Variants in RPS6KC1 observed in about 807,000 individuals in gnomAD.
RPS6KC1 encodes inactive ribosomal protein S6 kinase delta-1.
RPS6KC1 carries 54 observed loss-of-function variants against 103.8 expected under a neutral mutation model. That is an observed-to-expected ratio of 0.52 (90% CI 0.42 to 0.65). The LOEUF (loss-of-function observed/expected upper bound fraction) is 0.65. Ranked by LOEUF, RPS6KC1 falls within the 30% of genes least tolerant of loss-of-function variation. RPS6KC1 has a pLI of 0.00. For missense variants in RPS6KC1, 1,151 were observed against 1,253.8 expected (o/e 0.92, Z 1.24); for synonymous variants, 439 against 438.7 (o/e 1.00, Z -0.01).
the RPS6KC1 span, among the ~76,000 whole-genome samples, chr1:213,622,344 A>G: frequency 1.3e-5 from 2 of 151,152 alleles, no homozygotes; most frequent in Non-Finnish European, 2.9e-5. Context: ...TTCTGCTATC[A>G]GGGGCATTTA....
At chr1:213,787,510 G>A in the RPS6KC1 span, among the ~76,000 whole-genome samples, 1 of 152,150 alleles carries the variant, frequency 6.6e-6, no homozygotes, top group Non-Finnish European at 1.5e-5. Context: ...GAATGAAAAT[G>A]GGGTTCATAA....
the RPS6KC1 span, among the ~76,000 whole-genome samples, chr1:213,745,698 G>C: frequency 3.7e-4 from 57 of 152,238 alleles, no homozygotes; most frequent in Middle Eastern, 3.4e-3. Context: ...CCCATGATGA[G>C]GGAAGGATCC....
chr1:213,821,689 C>CA, the RPS6KC1 span: 3 of 152,338 alleles, frequency 2.0e-5, no homozygotes, highest in African/African-American at 7.2e-5. Context: ...GTTTCCCCCC[C>CA]ACACGTCTTC....
the RPS6KC1 span, among the ~76,000 whole-genome samples, chr1:213,825,559 T>C: frequency 1.3e-5 from 2 of 152,286 alleles, no homozygotes; most frequent in South Asian, 4.1e-4. Flanking sequence ...CAGCTCATTT[T>C]TGATGGGTTG....
chr1:213,109,100 A>G (rs2082761155), intron 4 of RPS6KC1, among the ~76,000 whole-genome samples: 1 of 152,032 alleles, frequency 6.6e-6, no homozygotes, highest in Non-Finnish European at 1.5e-5. Flanking sequence ...TTATCTTGCA[A>G]TCCATGAAAA....
the RPS6KC1 span, among the ~76,000 whole-genome samples, chr1:213,408,009 G>A: frequency 6.6e-6 from 1 of 152,192 alleles, no homozygotes; most frequent in African/African-American, 2.4e-5. Flanking sequence ...AGATATGGAA[G>A]CTCCATCAGT....
chr1:213,786,884 T>C, the RPS6KC1 span, among the ~76,000 whole-genome samples: 1 of 152,164 alleles, frequency 6.6e-6, no homozygotes, highest in Admixed American at 6.6e-5. Flanking sequence ...CATCATCAGG[T>C]AGCTTCTCAA....
At chr1:213,291,071 A>G in the RPS6KC1 span, among the ~76,000 whole-genome samples, 1 of 152,206 alleles carries the variant, frequency 6.6e-6, no homozygotes, top group African/African-American at 2.4e-5. Context: ...AGCCCTTTCC[A>G]GCTAGATTGC....
At chr1:213,762,898 G>C in the RPS6KC1 span, among the ~76,000 whole-genome samples, 1 of 144,482 alleles carries the variant, frequency 6.9e-6, no homozygotes, top group African/African-American at 2.6e-5. Context: ...GTCTCTCCCT[G>C]TCGCCCAGAC....
intron 3 of RPS6KC1, among the ~76,000 whole-genome samples, chr1:213,101,671 T>C (rs1412506761): frequency 6.6e-6 from 1 of 152,180 alleles, no homozygotes; most frequent in Non-Finnish European, 1.5e-5. Flanking sequence ...TTTAAAGATA[T>C]TCTCAGGTAG....
the RPS6KC1 span, among the ~76,000 whole-genome samples, chr1:213,439,553 G>T: frequency 6.6e-6 from 1 of 152,134 alleles, no homozygotes; most frequent in Non-Finnish European, 1.5e-5. Context: ...TGAAGTGCCA[G>T]ATGTTTATTA....
the RPS6KC1 span, among the ~76,000 whole-genome samples, chr1:213,407,401 G>A: frequency 2.0e-5 from 3 of 151,980 alleles, no homozygotes; most frequent in Non-Finnish European, 4.4e-5. Flanking sequence ...TGAAAGTGAA[G>A]GACTAAAGGA....
At chr1:213,667,816 C>G in the RPS6KC1 span, among the ~76,000 whole-genome samples, 2 of 152,196 alleles carry the variant, frequency 1.3e-5, no homozygotes. Context: ...CCTCTGTCAT[C>G]ATTTTAACAA....
At chr1:213,272,361 T>G (rs1483601077) in intron 14 of RPS6KC1, among the ~76,000 whole-genome samples, 163 bp from the exon 15 acceptor site, 5 of 152,238 alleles carry the variant, frequency 3.3e-5, no homozygotes, top group African/African-American at 1.2e-4. Flanking sequence ...ACAGCTAGAA[T>G]GGTATTAGAC....
intron 10 of RPS6KC1, among the ~76,000 whole-genome samples, chr1:213,236,981 C>A (rs2148906226): frequency 6.6e-6 from 1 of 152,028 alleles, no homozygotes; most frequent in African/African-American, 2.4e-5. Flanking sequence ...TTGCCCAGAC[C>A]TATTCCCCAG....
At chr1:213,325,752 A>T in the RPS6KC1 span, among the ~76,000 whole-genome samples, 1 of 152,210 alleles carries the variant, frequency 6.6e-6, no homozygotes, top group Non-Finnish European at 1.5e-5. Context: ...CTTATGGGAA[A>T]ATTAGAGGCC....
At chr1:213,662,837 T>G in the RPS6KC1 span, among the ~76,000 whole-genome samples, 3 of 152,230 alleles carry the variant, frequency 2.0e-5, no homozygotes, top group Admixed American at 6.5e-5. Context: ...TGTCAAATCT[T>G]TGCTTTCAAT....
At chr1:213,678,974 A>G in the RPS6KC1 span, among the ~76,000 whole-genome samples, 2 of 152,170 alleles carry the variant, frequency 1.3e-5, no homozygotes, top group African/African-American at 4.8e-5. Flanking sequence ...GCGCTCAGTA[A>G]TTGAAAGCTG....
At chr1:213,674,158 A>G in the RPS6KC1 span, among the ~76,000 whole-genome samples, 1 of 152,152 alleles carries the variant, frequency 6.6e-6, no homozygotes, top group South Asian at 2.1e-4. Flanking sequence ...AGCTGGGACT[A>G]CAGGTACATG....
Sources: gnomAD v4.1 joint callset for allele counts (sites outside exome capture counted in the v4.1 genomes callset) on GRCh38, gnomAD v4.1.1 for gene constraint, MANE v1.5 for transcripts, NCBI Gene and HGNC (gene_info 2026-07-23, HGNC 2026-07-21) for gene names.